The following PDE8B variants were observed in gnomAD, a reference collection of about 807,000 sequenced individuals.
The protein encoded by PDE8B is high affinity cAMP-specific and IBMX-insensitive 3',5'-cyclic phosphodiesterase 8B.
Under a neutral mutation model 101.3 loss-of-function variants are expected in PDE8B, and 26 were observed. That is an observed-to-expected ratio of 0.26 (90% CI 0.19 to 0.36). The LOEUF is 0.36. PDE8B is among the 10% of genes least tolerant of loss of function. The pLI is 1.00. For missense variants in PDE8B, 810 were observed against 1,163.1 expected (o/e 0.70, Z 4.42); for synonymous variants, 424 against 429.3 (o/e 0.99, Z 0.15).
intron 1 of PDE8B, among the ~76,000 whole-genome samples, chr5:77,277,287 T>G (rs571412357): frequency 6.6e-6 from 1 of 152,348 alleles, no homozygotes; most frequent in South Asian, 2.1e-4. Context: ...ATGTTAGTGC[T>G]CAGATGGCCT....
chr5:77,109,328 A>G, the PDE8B span, among the ~76,000 whole-genome samples: 6 of 152,224 alleles, frequency 3.9e-5, no homozygotes, highest in Non-Finnish European at 7.3e-5. Flanking sequence ...TGTTGTTTGT[A>G]TTAATGAACA....
intron 1 of PDE8B, among the ~76,000 whole-genome samples, chr5:77,286,698 A>C (rs1277023069): frequency 6.6e-6 from 1 of 152,204 alleles, no homozygotes; most frequent in East Asian, 1.9e-4. Context: ...AAATATAATT[A>C]GTCATGTATT....
chr5:77,095,952 G>C, the PDE8B span, among the ~76,000 whole-genome samples: 1 of 152,074 alleles, frequency 6.6e-6, no homozygotes, highest in African/African-American at 2.4e-5. Flanking sequence ...CCAGCTTATT[G>C]GTGTGGAAAA....
chr5:77,358,241 A>G (rs896999641), intron 10 of PDE8B, among the ~76,000 whole-genome samples: 3 of 152,174 alleles, frequency 2.0e-5, no homozygotes, highest in South Asian at 4.1e-4. Context: ...CAAAATTTCA[A>G]TTTGTCCTAA....
Position 77,426,469 on chromosome 5 carries a change from T to G in PDE8B, c.2573T>G (p.Met858Arg), listed in dbSNP as rs1340482338. ...GCCTTTGCACATCTGCCAGCCCTGA[T>G]GCAACATTTGGCTGACAACTACAAA... ...WDAFAHLPAL[M>R]QHLADNYKHW... Residue 858 changes from methionine (M) to arginine (R), a missense_variant, in exon 22 of 22, where the codon ATG (methionine) becomes AGG (arginine). Met to Arg is a moderately conservative substitution (Grantham distance 91). Transcript: ENST00000264917. The G allele has an allele frequency of 6.2e-7, 1 of 1,613,144 alleles. No homozygotes were observed.
chr5:77,196,100 T>C, the PDE8B span, among the ~76,000 whole-genome samples: 289 of 152,326 alleles, frequency 1.9e-3, 1 homozygote, highest in Non-Finnish European at 3.2e-3. Context: ...GTTCTTTGTC[T>C]CTTTTTGAAT....
At chr5:77,304,828 A>G (rs536060176) in intron 1 of PDE8B, among the ~76,000 whole-genome samples, 5 of 152,344 alleles carry the variant, frequency 3.3e-5, no homozygotes, top group Non-Finnish European at 7.3e-5. Context: ...CACCAAATAT[A>G]AAAGACTTTA....
At chr5:77,328,908 TG>T in intron 3 of PDE8B, 89 bp from the exon 4 acceptor site, 1 of 951,028 alleles carries the variant, frequency 1.1e-6, no homozygotes, top group Non-Finnish European at 1.7e-6. Context: ...GATTTGATGT[TG>T]TATCATTTTC....
chr5:77,321,071 C>T (rs1441117111), intron 2 of PDE8B, among the ~76,000 whole-genome samples: 3 of 149,984 alleles, frequency 2.0e-5, no homozygotes, highest in Non-Finnish European at 4.4e-5. Flanking sequence ...GGGTGGCTTG[C>T]GAAGGGTGTC....
intron 14 of PDE8B, among the ~76,000 whole-genome samples, chr5:77,410,152 G>C (rs975589339): frequency 6.6e-6 from 1 of 152,246 alleles, no homozygotes; most frequent in Admixed American, 6.5e-5. Context: ...AGGGCAAGCT[G>C]GTGGTGTTAA....
Position 77,344,936 on chromosome 5 carries a change from G to A in PDE8B, c.876+5G>A. 6.3e-7 allele frequency: 1 copy of A among 1,584,180 alleles called. No individual in the cohort carries two copies. Among genetic ancestry groups the A allele is most frequent in the Non-Finnish European group, 8.7e-7 (1 of 1,152,818 alleles). On this transcript the variant is annotated splice_donor_5th_base_variant and intron_variant, in intron 7 of 21. Coordinates refer to ENST00000264917, the MANE Select transcript of PDE8B (RefSeq NM_003719.5). The stretch of plus-strand genomic sequence containing the variant: ...AGCGATGACCACGTGATTCAGGTAT[G>A]GAAAGAAACCACCTCTATCATTAAC...
At chr5:77,401,320 G>A (rs1792223398) in intron 11 of PDE8B, among the ~76,000 whole-genome samples, 1 of 152,092 alleles carries the variant, frequency 6.6e-6, no homozygotes, top group African/African-American at 2.4e-5. Flanking sequence ...CTGAGCAGGG[G>A]TATTATTTTA....
At chr5:77,108,385 TA>T in the PDE8B span, among the ~76,000 whole-genome samples, 1 of 152,172 alleles carries the variant, frequency 6.6e-6, no homozygotes, top group Non-Finnish European at 1.5e-5. Context: ...TTTTTCCCTT[TA>T]AAAATATATT....
chr5:77,325,772 C>T (rs762525006), intron 3 of PDE8B, 43 bp downstream of exon 3: 27 of 1,288,358 alleles, frequency 2.1e-5, no homozygotes, highest in Middle Eastern at 2.3e-4. Flanking sequence ...GTTCACTTTA[C>T]ATCTTAAAAC....
intron 9 of PDE8B, among the ~76,000 whole-genome samples, chr5:77,351,839 T>C (rs530518135): frequency 4.8e-4 from 73 of 152,180 alleles, no homozygotes; most frequent in African/African-American, 1.7e-3. Context: ...GAACACAACG[T>C]TGTGTGACAT....
chr5:77,388,324 GCCC>G (rs1789170563), intron 10 of PDE8B, among the ~76,000 whole-genome samples: 1 of 152,086 alleles, frequency 6.6e-6, no homozygotes, highest in Non-Finnish European at 1.5e-5. Flanking sequence ...CTTCTAACAG[GCCC>G]CTCTGCTACA....
intron 1 of PDE8B, among the ~76,000 whole-genome samples, chr5:77,266,872 T>C (rs1216562876): frequency 6.6e-6 from 1 of 152,134 alleles, no homozygotes; most frequent in African/African-American, 2.4e-5. Flanking sequence ...ATCTGTTTTT[T>C]TTTTTCTGGA....
intron 1 of PDE8B, among the ~76,000 whole-genome samples, chr5:77,245,712 C>A (rs1370095862): frequency 6.6e-6 from 1 of 152,122 alleles, no homozygotes; most frequent in African/African-American, 2.4e-5. Flanking sequence ...TATTATTATC[C>A]TCATTTTAAA....
the PDE8B span, among the ~76,000 whole-genome samples, chr5:77,190,904 A>G: frequency 1.3e-5 from 2 of 152,338 alleles, no homozygotes; most frequent in East Asian, 3.9e-4. Context: ...CCAGTATATC[A>G]GTCGGCTTCA....
Sources: allele counts gnomAD v4.1 joint callset (sites outside exome capture counted in the v4.1 genomes callset), GRCh38; gene constraint gnomAD v4.1.1; transcripts MANE v1.5; gene names NCBI Gene and HGNC (gene_info 2026-07-23, HGNC 2026-07-21).